The following ANKMY2 variants were observed in gnomAD, a reference collection of about 807,000 sequenced individuals.
The protein encoded by ANKMY2 is ankyrin repeat and MYND domain containing 2.
A neutral mutation model predicts 50.4 loss-of-function variants in ANKMY2; 36 were observed. The ratio of observed to expected loss-of-function variants is 0.71; its 90% CI spans 0.55 to 0.94. ANKMY2 has a LOEUF of 0.94. Among genes scored for constraint, ANKMY2 ranks in the 40% least tolerant of loss-of-function variants. The pLI is 0.00. For missense variants in ANKMY2, 565 were observed against 524.0 expected (o/e 1.08, Z -0.76); for synonymous variants, 187 against 178.8 (o/e 1.05, Z -0.36).
intron 8 of ANKMY2, among the ~76,000 whole-genome samples, chr7:16,603,369 C>T (rs563978506): frequency 1.3e-5 from 2 of 152,014 alleles, no homozygotes; most frequent in East Asian, 1.9e-4. Context: ...TGTGGTGAGT[C>T]GAGGTAGACA....
At chr7:16,616,241 C>T (rs1351291694) in intron 4 of ANKMY2, among the ~76,000 whole-genome samples, 5 of 152,144 alleles carry the variant, frequency 3.3e-5, no homozygotes, top group African/African-American at 1.2e-4. Context: ...TCTTCCCAGC[C>T]TACGCAAATG....
At chr7:16,628,137 T>C (rs1781531637) in intron 2 of ANKMY2, among the ~76,000 whole-genome samples, 6 of 152,220 alleles carry the variant, frequency 3.9e-5, no homozygotes, top group Admixed American at 2.0e-4. Context: ...TGTGAGTGAA[T>C]TTTCTCAGTA....
intron 2 of ANKMY2, among the ~76,000 whole-genome samples, chr7:16,633,899 A>G (rs2128345943): frequency 6.6e-6 from 1 of 152,206 alleles, no homozygotes; most frequent in South Asian, 2.1e-4. Flanking sequence ...CTCAATGCCT[A>G]TAGCTGATAA....
In ANKMY2 at chr7:16,600,858, T is replaced by G; in HGVS notation, c.1229A>C (p.Glu410Ala). 1 of 1,613,784 alleles carries G rather than the reference T, an allele frequency of 6.2e-7. No individual in the cohort carries two copies. Among genetic ancestry groups the G allele is most frequent in the Non-Finnish European group, 8.5e-7 (1 of 1,179,828 alleles). The change falls in exon 10 of 10, where the codon GAA (glutamate) becomes GCA (alanine). Residue 410 changes from glutamate to alanine, a missense_variant. Glu to Ala is a moderately radical substitution (Grantham distance 107, BLOSUM62 -1). Coordinates refer to ENST00000306999, the MANE Select transcript of ANKMY2 (RefSeq NM_020319.3). ...VGISQKDSNPEDSGEGKKESL... is the reference protein window; with the variant it reads ...VGISQKDSNPADSGEGKKESL... ...TTCTTTCTTTCCTTCCCCGGAATCT[T>G]CAGGATTGGAATCCTTTTGAGAGAT... is the stretch of plus-strand genomic sequence containing the variant.
chr7:16,625,135 C>A (rs1781491930), intron 3 of ANKMY2, 54 bp from the exon 4 acceptor site: 1 of 1,415,742 alleles, frequency 7.1e-7, no homozygotes, highest in East Asian at 2.3e-5. Context: ...ACAATTTAAA[C>A]ATCCCTTTCT....
chr7:16,644,737 A>C (rs1284720372), intron 1 of ANKMY2: 4 of 470,728 alleles, frequency 8.5e-6, no homozygotes, highest in African/African-American at 6.0e-5. Flanking sequence ...CCACTCGGGG[A>C]CTCCGGGGAA....
At position 16,620,591 on chromosome 7, in the gene ANKMY2, T is replaced by TACACACACAC. The variant is rs58418780; in HGVS notation, c.370+4382_370+4391dup. Among the ~76,000 whole-genome samples, 1,297 of 145,568 alleles carry TACACACACAC rather than the reference T, an allele frequency of 8.9e-3. 12 individuals are homozygous for TACACACACAC. The highest frequency in any genetic ancestry group is 0.025 in the African/African-American group (961 of 38,854). On this transcript the variant is annotated intron_variant, in intron 4 of 9. Transcript: ENST00000306999. ...CAATCACTTTAGGGAAATACATGTG[T>TACACACACAC]ACACACACACACACACACACACACA...
chr7:16,611,029 C>G (rs1781242229), intron 5 of ANKMY2, among the ~76,000 whole-genome samples: 1 of 152,110 alleles, frequency 6.6e-6, no homozygotes, highest in East Asian at 1.9e-4. Context: ...GCCAGTATGC[C>G]ATTCAAGAGC....
At chr7:16,612,388 A>C (rs1408162827) in intron 5 of ANKMY2, among the ~76,000 whole-genome samples, 1 of 152,210 alleles carries the variant, frequency 6.6e-6, no homozygotes. Flanking sequence ...AAAATCCAGC[A>C]CTTAATAATA....
intron 5 of ANKMY2, among the ~76,000 whole-genome samples, chr7:16,615,058 G>A (rs1431516561): frequency 6.6e-6 from 1 of 152,174 alleles, no homozygotes; most frequent in Non-Finnish European, 1.5e-5. Context: ...AGCTCTTGAA[G>A]TTTCCCAGTT....
chr7:16,605,673 A>C (rs7778603), intron 7 of ANKMY2, among the ~76,000 whole-genome samples: 2,163 of 42,214 alleles, frequency 0.051, 67 homozygotes, highest in East Asian at 0.2. Flanking sequence ...AATTTTTTGT[A>C]CTTTTTTTTT....
intron 7 of ANKMY2, among the ~76,000 whole-genome samples, chr7:16,606,944 A>T (rs1184269872): frequency 6.6e-6 from 1 of 152,234 alleles, no homozygotes; most frequent in Non-Finnish European, 1.5e-5. Flanking sequence ...AAAGCTGAGC[A>T]GGAGGGCCCA....
chr7:16,640,673 C>T (rs1160501743), intron 1 of ANKMY2, among the ~76,000 whole-genome samples: 1 of 152,030 alleles, frequency 6.6e-6, no homozygotes, highest in Non-Finnish European at 1.5e-5. Context: ...AGGTGCACGC[C>T]ACCGCACCCA....
intron 2 of ANKMY2, among the ~76,000 whole-genome samples, chr7:16,627,446 A>C (rs945723311): frequency 1.3e-5 from 2 of 152,198 alleles, no homozygotes; most frequent in Non-Finnish European, 2.9e-5. Context: ...TGGTGGGGGC[A>C]GGGATTGAAA....
At position 16,599,815 on chromosome 7, in the gene ANKMY2, A is replaced by C. The variant is rs2128341218; in HGVS notation, c.*946T>G. The C allele has an allele frequency of 6.6e-6, 1 of 152,324 alleles. No individual in the cohort carries two copies. The highest frequency in any genetic ancestry group is 2.1e-4 in the South Asian group (1 of 4,826). 9.4% of individuals were successfully genotyped at this position (152,324 alleles called of 1,614,324 possible). ...AGGCACAATTTATTTTAAAATCCAC[A>C]CAAGAAACCCAGAAATGCAGCATTA... On this transcript the variant is annotated 3_prime_UTR_variant, in exon 10 of 10. Coordinates refer to ENST00000306999, the MANE Select transcript of ANKMY2 (RefSeq NM_020319.3).
At chr7:16,632,290 A>C (rs898798852) in intron 2 of ANKMY2, among the ~76,000 whole-genome samples, 2 of 152,146 alleles carry the variant, frequency 1.3e-5, no homozygotes, top group African/African-American at 4.8e-5. Context: ...AATTTGTACA[A>C]ATAAATCGGT....
chr7:16,613,805 G>A (rs1049958772), intron 5 of ANKMY2, among the ~76,000 whole-genome samples: 3 of 151,646 alleles, frequency 2.0e-5, no homozygotes, highest in African/African-American at 7.3e-5. Flanking sequence ...GCGTGGTGGT[G>A]GGCACCTGTA....
chr7:16,634,697 A>T (rs114902100), intron 2 of ANKMY2, among the ~76,000 whole-genome samples: 1,920 of 152,300 alleles, frequency 0.013, 27 homozygotes, highest in African/African-American at 0.044. Context: ...TGTTCCCACC[A>T]GCCAGGCTTG....
chr7:16,642,375 A>G (rs1781758020), intron 1 of ANKMY2, among the ~76,000 whole-genome samples: 1 of 152,256 alleles, frequency 6.6e-6, no homozygotes, highest in Non-Finnish European at 1.5e-5. Flanking sequence ...ATACTGTTAA[A>G]TGAATGCTGT....
Sources: allele counts gnomAD v4.1 joint callset (sites outside exome capture counted in the v4.1 genomes callset), GRCh38; gene constraint gnomAD v4.1.1; transcripts MANE v1.5; gene names NCBI Gene and HGNC (gene_info 2026-07-23, HGNC 2026-07-21).